CACNA2D3: variants seen among roughly 807,000 people sequenced by gnomAD.
The protein encoded by CACNA2D3 is calcium voltage-gated channel auxiliary subunit alpha2delta 3.
In CACNA2D3, 60 loss-of-function variants were observed where a neutral mutation model predicts 160.6. The observed-to-expected ratio is 0.37, with a 90% CI of 0.30 to 0.46. CACNA2D3 has a LOEUF of 0.46. Ranked by LOEUF, CACNA2D3 falls within the 20% of genes least tolerant of loss-of-function variation. The probability of loss-of-function intolerance (pLI) is 1.00; values close to 1 mark genes in which losing one functional copy is unlikely to be tolerated. For missense variants in CACNA2D3, 1,205 were observed against 1,365.0 expected (o/e 0.88, Z 1.85); for synonymous variants, 558 against 492.9 (o/e 1.13, Z -1.75).
chr3:54,365,144 A>G (rs1698807512), intron 3 of CACNA2D3, among the ~76,000 whole-genome samples: 1 of 152,234 alleles, frequency 6.6e-6, no homozygotes, highest in Non-Finnish European at 1.5e-5. Context: ...TGACTCACAA[A>G]TTAGACCTTC....
chr3:54,777,218 A>T (rs1702441164), intron 13 of CACNA2D3, among the ~76,000 whole-genome samples: 1 of 152,222 alleles, frequency 6.6e-6, no homozygotes, highest in South Asian at 2.1e-4. Flanking sequence ...TGGCACAAAG[A>T]CACCATAGGT....
rs55833247 is a variant in CACNA2D3 at position 54,141,061 on chromosome 3, C to CTG, written c.204+17492_204+17493dup. ...ACACTGTCTGATCTGCAGGTGAAAC[C>CTG]TGTGTGTGTGTGTGTGTGTGTGTGT... On this transcript the variant is annotated intron_variant, in intron 2 of 37. Transcript: ENST00000474759. 6.6e-3 allele frequency among the ~76,000 whole-genome samples: 854 copies of CTG among 129,532 alleles called. 8 individuals carry two copies. The highest frequency in any genetic ancestry group is 0.015 in the Middle Eastern group (4 of 270). 85.0% of individuals were successfully genotyped at this position (129,532 alleles called of 152,430 possible).
chr3:54,695,425 T>C (rs1343520322), intron 11 of CACNA2D3, among the ~76,000 whole-genome samples: 1 of 151,898 alleles, frequency 6.6e-6, no homozygotes, highest in Non-Finnish European at 1.5e-5. Flanking sequence ...TCTTTGTGCA[T>C]ATCACAAGTT....
intron 35 of CACNA2D3, among the ~76,000 whole-genome samples, chr3:55,062,264 C>T (rs1231053530): frequency 1.4e-5 from 2 of 139,492 alleles, no homozygotes; most frequent in Non-Finnish European, 3.0e-5. Flanking sequence ...GGACTACAGG[C>T]ACACATCATA....
chr3:55,057,172 G>C (rs111413357), intron 35 of CACNA2D3, among the ~76,000 whole-genome samples: 8 of 152,154 alleles, frequency 5.3e-5, no homozygotes, highest in African/African-American at 1.9e-4. Context: ...CTCTTCCTTC[G>C]TCTTCTGCCA....
At chr3:54,823,738 TGTGTGTGTGC>T (rs1703690276) in intron 14 of CACNA2D3, among the ~76,000 whole-genome samples, 1 of 152,132 alleles carries the variant, frequency 6.6e-6, no homozygotes, top group African/African-American at 2.4e-5. Flanking sequence ...GCTCCTGTTG[TGTGTGTGTGC>T]GTGTGTGTAC....
intron 11 of CACNA2D3, among the ~76,000 whole-genome samples, chr3:54,673,554 C>A (rs990875920): frequency 1.3e-5 from 2 of 152,198 alleles, no homozygotes; most frequent in African/African-American, 4.8e-5. Context: ...GTCTCAAAAA[C>A]TTAGATGAGT....
At chr3:54,612,342 C>G (rs1698762926) in intron 9 of CACNA2D3, among the ~76,000 whole-genome samples, 1 of 152,160 alleles carries the variant, frequency 6.6e-6, no homozygotes, top group Non-Finnish European at 1.5e-5. Flanking sequence ...TGCTGTTGCA[C>G]TGACATTAAT....
chr3:54,224,835 T>C (rs1701641525), intron 2 of CACNA2D3, among the ~76,000 whole-genome samples: 1 of 151,762 alleles, frequency 6.6e-6, no homozygotes, highest in Non-Finnish European at 1.5e-5. Context: ...CAGATTTTCA[T>C]AAGGGATAAT....
chr3:54,216,824 A>G (rs1358976477), intron 2 of CACNA2D3, among the ~76,000 whole-genome samples: 1 of 152,160 alleles, frequency 6.6e-6, no homozygotes, highest in Non-Finnish European at 1.5e-5. Flanking sequence ...CCAGCCATCT[A>G]GCTCTTATTT....
chr3:54,390,893 T>C (rs1423759435), intron 4 of CACNA2D3, among the ~76,000 whole-genome samples: 2 of 152,174 alleles, frequency 1.3e-5, no homozygotes, highest in Non-Finnish European at 2.9e-5. Flanking sequence ...ATAATTGTTT[T>C]TATCAAAAAA....
intron 5 of CACNA2D3, among the ~76,000 whole-genome samples, chr3:54,519,455 A>G (rs1016779408): frequency 3.9e-5 from 6 of 152,174 alleles, no homozygotes; most frequent in African/African-American, 9.7e-5. Flanking sequence ...CTCTTTTCCT[A>G]TAATCAAAAC....
At chr3:54,940,182 C>G (rs1008172241) in intron 27 of CACNA2D3, among the ~76,000 whole-genome samples, 1 of 152,156 alleles carries the variant, frequency 6.6e-6, no homozygotes, top group Non-Finnish European at 1.5e-5. Context: ...TGCCTGGAGA[C>G]AGATTAGCTA....
At chr3:54,276,572 CA>C (rs34052239) in intron 2 of CACNA2D3, among the ~76,000 whole-genome samples, 285 of 114,586 alleles carry the variant, frequency 2.5e-3, no homozygotes, top group East Asian at 0.016. Context: ...GACTCTGTCT[CA>C]AAAAAAAAAA....
At chr3:55,010,093 C>T (rs1224624957) in intron 34 of CACNA2D3, among the ~76,000 whole-genome samples, 1 of 152,070 alleles carries the variant, frequency 6.6e-6, no homozygotes, top group Admixed American at 6.6e-5. Flanking sequence ...TGTGAGAAAT[C>T]ATATTACGTG....
chr3:54,754,587 C>T (rs1366818337), intron 12 of CACNA2D3, among the ~76,000 whole-genome samples: 1 of 152,170 alleles, frequency 6.6e-6, no homozygotes, highest in Non-Finnish European at 1.5e-5. Context: ...GGTGCTCTGA[C>T]ACAGCCCAGC....
chr3:54,911,408 G>A (rs1231497424), intron 27 of CACNA2D3, among the ~76,000 whole-genome samples: 2 of 115,394 alleles, frequency 1.7e-5, no homozygotes, highest in Non-Finnish European at 3.3e-5. Context: ...TCCCCAGACT[G>A]GTCTTGAACT....
intron 2 of CACNA2D3, among the ~76,000 whole-genome samples, chr3:54,161,023 A>G (rs1011723340): frequency 6.6e-6 from 1 of 152,172 alleles, no homozygotes; most frequent in African/African-American, 2.4e-5. Flanking sequence ...TGTGGATGCC[A>G]TTGAAAGGGG....
chr3:54,452,007 C>T (rs1444207217), intron 4 of CACNA2D3, among the ~76,000 whole-genome samples: 1 of 152,178 alleles, frequency 6.6e-6, no homozygotes, highest in Non-Finnish European at 1.5e-5. Context: ...ATAACATGTT[C>T]ATAATTTCCT....
Sources: allele counts gnomAD v4.1 joint callset (sites outside exome capture counted in the v4.1 genomes callset), GRCh38; gene constraint gnomAD v4.1.1; transcripts MANE v1.5; gene names NCBI Gene and HGNC (gene_info 2026-07-23, HGNC 2026-07-21).